The following CACNA2D4 variants were observed in gnomAD, a reference collection of about 807,000 sequenced individuals.
The protein encoded by CACNA2D4 is voltage-dependent calcium channel subunit alpha-2/delta-4.
Under a neutral mutation model 163.8 loss-of-function variants are expected in CACNA2D4, and 157 were observed. The observed-to-expected ratio is 0.96, with a 90% CI of 0.84 to 1.09. The LOEUF is 1.09. Ranked by LOEUF, CACNA2D4 falls within the 50% of genes least tolerant of loss-of-function variation. The pLI, the probability that CACNA2D4 is intolerant of heterozygous loss-of-function variation, is 0.00. For missense variants in CACNA2D4, 1,410 were observed against 1,479.9 expected (o/e 0.95, Z 0.78); for synonymous variants, 598 against 586.9 (o/e 1.02, Z -0.27).
intron 19 of CACNA2D4, 30 bp from the exon 20 acceptor site, chr12:1,858,674 C>G (rs1865455955): frequency 2.6e-6 from 4 of 1,546,254 alleles, no homozygotes; most frequent in Middle Eastern, 1.7e-4. Context: ...GGCACTCATT[C>G]AGCAGCAGCA....
Position 1,890,498 on chromosome 12 carries a change from T to C in CACNA2D4, c.782-3429A>G, listed in dbSNP as rs182532803. Reference sequence around the variant, plus strand: ...TGCACCCTGAAGACAAAATCCTCCATGTACAGCCGTTGCACTGTGGGCTGC... The same window carrying C: ...TGCACCCTGAAGACAAAATCCTCCACGTACAGCCGTTGCACTGTGGGCTGC... On this transcript the variant is annotated intron_variant, in intron 6 of 37. Coordinates refer to ENST00000382722, the MANE Select transcript of CACNA2D4 (RefSeq NM_172364.5). Among the ~76,000 whole-genome samples, 179 of 152,290 alleles carry C rather than the reference T, an allele frequency of 1.2e-3. 1 individual carries two copies. The highest frequency in any genetic ancestry group is 4.3e-3 in the African/African-American group (179 of 41,570).
At position 1,886,342 on chromosome 12, in the gene CACNA2D4, T is replaced by C; in HGVS notation, c.874A>G (p.Ile292Val). 1 of 1,613,946 alleles carries C rather than the reference T, an allele frequency of 6.2e-7. No individual in the cohort carries two copies. The highest frequency in any genetic ancestry group is 8.5e-7 in the Non-Finnish European group (1 of 1,179,864). Residue 292 changes from isoleucine to valine, a missense_variant, in exon 8 of 38, where the codon ATA (isoleucine) becomes GTA (valine). By Grantham distance (29) the Ile-to-Val change is conservative (BLOSUM62 3). Transcript: ENST00000382722. ...YIQAATSPKDIVILVDVSGSM... is the reference protein window; with the variant it reads ...YIQAATSPKDVVILVDVSGSM... ...CCGCTCACGTCCACCAAAATCACTA[T>C]GTCCTTGGGAGAAGTAGCAGCTTGA...
intron 6 of CACNA2D4, among the ~76,000 whole-genome samples, chr12:1,906,793 T>C (rs1449692133): frequency 9.2e-5 from 14 of 152,342 alleles, no homozygotes; most frequent in Non-Finnish European, 1.6e-4. Flanking sequence ...AAGAGAGAGA[T>C]TGACTTTCCA....
intron 5 of CACNA2D4, 68 bp from the exon 6 acceptor site, chr12:1,907,639 AGGGTGCCTGGTGG>A: frequency 3.4e-6 from 5 of 1,465,668 alleles, no homozygotes; most frequent in Non-Finnish European, 4.7e-6. Flanking sequence ...ATGCCCGGTG[AGGGTGCCTGGTGG>A]GCGTGTCTGG....
rs558289346 is a variant in CACNA2D4, at chr12:1,874,401, T to C, written c.1878+203A>G. ...GGTCTCCCAAAAGCCAAGCATTGCATGAGCAATCCTGTCATTCCCTGGCTA... is the reference window on the plus strand; with the variant it reads ...GGTCTCCCAAAAGCCAAGCATTGCACGAGCAATCCTGTCATTCCCTGGCTA... On this transcript the variant is annotated intron_variant, in intron 18 of 37. Transcript: ENST00000382722. This position sits in a 1 kb window ranked among gnomAD's most constrained non-coding sequence, Gnocchi z 4.4. 3.3e-5 allele frequency among the ~76,000 whole-genome samples: 5 copies of C among 152,212 alleles called. No homozygotes were observed. The highest frequency in any genetic ancestry group is 7.3e-5 in the Non-Finnish European group (5 of 68,038).
Position 1,918,509 on chromosome 12 carries a change from C to G in CACNA2D4, c.-36G>C, listed in dbSNP as rs1324444245. The G allele has an allele frequency of 6.6e-7, 1 of 1,515,008 alleles. No homozygotes were observed. Among genetic ancestry groups the G allele is most frequent in the African/African-American group, 1.4e-5 (1 of 71,904 alleles). The allele number at this position is 1,515,008 out of a possible 1,614,324, so 93.8% of individuals were successfully genotyped here. A position where few individuals can be genotyped will look rare whatever the true frequency, so the allele number is the denominator to read the frequency against. On this transcript the variant is annotated 5_prime_UTR_variant, in exon 1 of 38. Coordinates refer to ENST00000382722, the MANE Select transcript of CACNA2D4 (RefSeq NM_172364.5). ...TGCCTTCCTCCCAGACCCCAGGACG[C>G]CCCAGGCCTTTGTCTTCCGTGCCTT...
At chr12:1,902,414 A>G (rs1866559954) in intron 6 of CACNA2D4, among the ~76,000 whole-genome samples, 2 of 152,100 alleles carry the variant, frequency 1.3e-5, no homozygotes, top group Non-Finnish European at 2.9e-5. Flanking sequence ...TTCGAAAGGA[A>G]TAAGTCAAAT....
chr12:1,887,189 A>G, intron 6 of CACNA2D4, 120 bp from the exon 7 acceptor site: 1 of 698,632 alleles, frequency 1.4e-6, no homozygotes, highest in African/African-American at 1.8e-5. Context: ...GGAGCTAGGG[A>G]ACAGGGTGGG....
In CACNA2D4 at chr12:1,820,110, A is replaced by G. The variant is rs1015141444; in HGVS notation, c.2552-8387T>C. Among the ~76,000 whole-genome samples, 3 of 152,166 alleles carry G rather than the reference A, an allele frequency of 2.0e-5. No homozygotes were observed. Among genetic ancestry groups the G allele is most frequent in the Non-Finnish European group, 4.4e-5 (3 of 68,032 alleles). On this transcript the variant is annotated intron_variant, in intron 26 of 37. Coordinates refer to ENST00000382722, the MANE Select transcript of CACNA2D4 (RefSeq NM_172364.5). The surrounding 1 kb of genome is among the most constrained non-coding windows in gnomAD (Gnocchi z 6.0). Reference sequence around the variant, plus strand: ...GGGAGACTCTGCCTCGCATGTCTCTAAAACAGGAGAAAGACCAGCTTCCCA... The same window carrying G: ...GGGAGACTCTGCCTCGCATGTCTCTGAAACAGGAGAAAGACCAGCTTCCCA...
At position 1,918,407 on chromosome 12, in the gene CACNA2D4, T is replaced by C. The variant is rs1406860795; in HGVS notation, c.67A>G (p.Asn23Asp). ...CTGGAGCTGGGGTTTGCGAGGAAGTTGGGAGTTGCAGGCATGGTGGGCCTG... is the reference window on the plus strand; with the variant it reads ...CTGGAGCTGGGGTTTGCGAGGAAGTCGGGAGTTGCAGGCATGGTGGGCCTG... Reference protein sequence around the residue: ...NPRPTMPATPNFLANPSSSSR... With the variant: ...NPRPTMPATPDFLANPSSSSR... Residue 23 changes from asparagine to aspartate, a missense_variant, in exon 1 of 38, where the codon AAC (asparagine) becomes GAC (aspartate). Transcript: ENST00000382722. The C allele has an allele frequency of 1.3e-6, 2 of 1,598,162 alleles. No homozygotes were observed. Among genetic ancestry groups the C allele is most frequent in the Non-Finnish European group, 1.7e-6 (2 of 1,172,914 alleles).
chr12:1,880,190 AGTGTTAAGT>A (rs898417149), intron 13 of CACNA2D4, among the ~76,000 whole-genome samples: 2 of 152,232 alleles, frequency 1.3e-5, no homozygotes, highest in African/African-American at 4.8e-5. Context: ...GCCCAGGCCG[AGTGTTAAGT>A]GCAAACCCAG....
chr12:1,793,859 G>A, intron 37 of CACNA2D4, 100 bp from the exon 38 acceptor site: 1 of 922,296 alleles, frequency 1.1e-6, no homozygotes, highest in Non-Finnish European at 1.7e-6. Context: ...CCTGGGGAAA[G>A]GGGAGTTTTG....
At chr12:1,794,780 T>G (rs1428270374) in intron 37 of CACNA2D4, among the ~76,000 whole-genome samples, 1 of 152,160 alleles carries the variant, frequency 6.6e-6, no homozygotes, top group African/African-American at 2.4e-5. Context: ...GAGGCCTCAT[T>G]ATGATCATTG....
At chr12:1,817,090 G>A (rs1863901694) in intron 26 of CACNA2D4, among the ~76,000 whole-genome samples, 2 of 152,304 alleles carry the variant, frequency 1.3e-5, no homozygotes, top group Admixed American at 6.5e-5. Context: ...CGTGTTGCAC[G>A]GGATAGGGAC....
At chr12:1,822,294 T>C (rs1864136707) in intron 26 of CACNA2D4, among the ~76,000 whole-genome samples, 1 of 151,594 alleles carries the variant, frequency 6.6e-6, no homozygotes, top group Admixed American at 6.6e-5. Flanking sequence ...GTGGGCAGTG[T>C]AGGAAGGAGG....
chr12:1,908,038 C>G lies in CACNA2D4; in HGVS notation c.487-1G>C. 6.2e-7 allele frequency: 1 copy of G among 1,608,702 alleles called. No homozygotes were observed. The highest frequency in any genetic ancestry group is 8.5e-7 in the Non-Finnish European group (1 of 1,176,000). On this transcript the variant is annotated splice_acceptor_variant, in intron 4 of 37. Transcript: ENST00000382722. LOFTEE classifies it high-confidence loss of function. ...TCAGGACCGAGTTGTAATAGTCGAA[C>G]TGGGGTGGACGGGTGAGGCCCACGG...
At chr12:1,827,098 A>G (rs1214159930) in intron 26 of CACNA2D4, among the ~76,000 whole-genome samples, 1 of 152,170 alleles carries the variant, frequency 6.6e-6, no homozygotes, top group Non-Finnish European at 1.5e-5. Context: ...TGGAGGGCGA[A>G]GGAGAGGGGT....
chr12:1,812,906 C>T (rs1157335850), intron 26 of CACNA2D4, among the ~76,000 whole-genome samples: 1 of 152,222 alleles, frequency 6.6e-6, no homozygotes, highest in Non-Finnish European at 1.5e-5. Context: ...GTGTCCGTCA[C>T]AGTCATTCTC....
chr12:1,856,134 A>G, intron 21 of CACNA2D4, 25 bp from the exon 22 acceptor site: 2 of 1,613,614 alleles, frequency 1.2e-6, no homozygotes, highest in Non-Finnish European at 1.7e-6. Context: ...AGTCAGTGTT[A>G]TCTCAAAACA....
Sources: allele counts gnomAD v4.1 joint callset (sites outside exome capture counted in the v4.1 genomes callset), GRCh38; gene constraint gnomAD v4.1.1; non-coding constraint Gnocchi (gnomAD v3.1); transcripts MANE v1.5; gene names NCBI Gene and HGNC (gene_info 2026-07-23, HGNC 2026-07-21).